Variants in CCDC81 observed in about 807,000 individuals in gnomAD.
The protein encoded by CCDC81 is coiled-coil domain containing 81.
CCDC81 carries 79 observed loss-of-function variants against 83.7 expected under a neutral mutation model. That is an observed-to-expected ratio of 0.94 (90% confidence interval 0.79 to 1.14). The LOEUF (loss-of-function observed/expected upper bound fraction) is 1.14, where lower values mean the gene tolerates loss of function less well. CCDC81 is among the 50% of genes most tolerant of loss of function. CCDC81 has a pLI of 0.00. For missense variants in CCDC81, 791 were observed against 778.1 expected, an observed-to-expected ratio of 1.02 and a Z score of -0.20; for synonymous variants, 252 against 278.1, an observed-to-expected ratio of 0.91 and a Z score of 0.93.
intron 13 of CCDC81, among the ~76,000 whole-genome samples, chr11:86,418,142 T>G (rs565037546): frequency 6.6e-6 from 1 of 152,158 alleles, no homozygotes; most frequent in Non-Finnish European, 1.5e-5. Flanking sequence ...CAAATTATTA[T>G]GAAAGTGCAA....
chr11:86,399,464 C>T (rs566361414), intron 6 of CCDC81, among the ~76,000 whole-genome samples: 17 of 152,168 alleles, frequency 1.1e-4, no homozygotes, highest in African/African-American at 2.4e-4. Flanking sequence ...CACAGGTGTG[C>T]GCCACCATGC....
chr11:86,406,642 T>TA (rs1313634904), intron 7 of CCDC81, among the ~76,000 whole-genome samples: 2 of 152,100 alleles, frequency 1.3e-5, no homozygotes, highest in East Asian at 3.9e-4. Context: ...CCGTCTCTAC[T>TA]AAAAATACAA....
chr11:86,390,649 A>G (rs1042349680), intron 3 of CCDC81, among the ~76,000 whole-genome samples: 3 of 152,184 alleles, frequency 2.0e-5, no homozygotes, highest in Non-Finnish European at 4.4e-5. Context: ...ATTACTCATG[A>G]GACATTTCAG....
intron 1 of CCDC81, among the ~76,000 whole-genome samples, chr11:86,385,180 G>T (rs1217762235): frequency 6.6e-6 from 1 of 152,202 alleles, no homozygotes; most frequent in African/African-American, 2.4e-5. Context: ...CTGAGGTCAG[G>T]AGTTGGAGAC....
intron 10 of CCDC81, among the ~76,000 whole-genome samples, chr11:86,410,568 G>T (rs1948628218): frequency 6.6e-6 from 1 of 152,188 alleles, no homozygotes. Flanking sequence ...GGGAAGGAAG[G>T]AGAGAGCGAG....
chr11:86,395,218 A>G, intron 4 of CCDC81, 116 bp from the exon 5 acceptor site: 1 of 732,734 alleles, frequency 1.4e-6, no homozygotes, highest in Non-Finnish European at 2.3e-6. Flanking sequence ...AGCGCTTAAC[A>G]TAAACAACAA....
chr11:86,391,057 C>T (rs1428400150), intron 3 of CCDC81, among the ~76,000 whole-genome samples: 1 of 151,978 alleles, frequency 6.6e-6, no homozygotes, highest in Non-Finnish European at 1.5e-5. Flanking sequence ...GCAAAGGGGG[C>T]CAAGGAGTCA....
rs116806020 is a variant in CCDC81, at chr11:86,384,670, A to G, written c.80-1381A>G. On this transcript the variant is annotated intron_variant, in intron 1 of 14. Coordinates refer to ENST00000445632, the MANE Select transcript of CCDC81 (RefSeq NM_001156474.2). ...ATAAAACAAGCAGTTTCCAAAGTGG[A>G]AAAAGGATTGGGCTTTTGTCACCAG... Among the ~76,000 whole-genome samples the G allele has an allele frequency of 1.9e-3, 296 of 152,366 alleles. 4 individuals carry two copies. The highest frequency in any genetic ancestry group is 6.6e-3 in the African/African-American group (274 of 41,584).
rs2138478379 is a variant in CCDC81 at position 86,374,902 on chromosome 11, T to G, written c.-262T>G. 1 of 447,248 alleles carries G rather than the reference T, an allele frequency of 2.2e-6. No individual in the cohort carries two copies. Among genetic ancestry groups the G allele is most frequent in the East Asian group, 4.7e-5 (1 of 21,410 alleles). 27.7% of individuals were successfully genotyped at this position (447,248 alleles called of 1,614,324 possible). ...GCACACTCTCACTCGGTGCCGGACA[T>G]CAGTTCCTGCGGCTCTTGCTGTGGG... On this transcript the variant is annotated 5_prime_UTR_variant, in exon 1 of 15. Transcript: ENST00000445632.
rs1471755062 is a variant in CCDC81, at chr11:86,397,734, G to A, written c.749G>A (p.Gly250Asp). The stretch of plus-strand genomic sequence containing the variant: ...AAAGACCAGTCAGACAAAGAAGAAG[G>A]CACCAGAGGTAGGCCAATGATTTCT... ...KLKDQSDKEE[G>D]TRDISSPKRL... The change falls in exon 6 of 15, where the codon GGC becomes GAC. Residue 250 changes from glycine to aspartate, a missense_variant. By Grantham distance (94) the Gly-to-Asp change is moderately conservative. Coordinates refer to ENST00000445632, the MANE Select transcript of CCDC81 (RefSeq NM_001156474.2). 6.2e-7 allele frequency: 1 copy of A among 1,612,872 alleles called. No homozygotes were observed. The highest frequency in any genetic ancestry group is 1.3e-5 in the African/African-American group (1 of 74,936).
chr11:86,379,469 C>A (rs1442411834), intron 1 of CCDC81, among the ~76,000 whole-genome samples: 1 of 152,150 alleles, frequency 6.6e-6, no homozygotes, highest in African/African-American at 2.4e-5. Context: ...TTCAAGTCCA[C>A]TTCCAAATAA....
chr11:86,380,621 G>T (rs892879390), intron 1 of CCDC81, among the ~76,000 whole-genome samples: 6 of 148,858 alleles, frequency 4.0e-5, no homozygotes, highest in African/African-American at 1.5e-4. Context: ...GATATTCTGG[G>T]TTTTTTTTTT....
chr11:86,376,922 C>T (rs548724082), intron 1 of CCDC81, among the ~76,000 whole-genome samples: 3 of 152,286 alleles, frequency 2.0e-5, no homozygotes, highest in African/African-American at 7.2e-5. Flanking sequence ...GAGTATTTCA[C>T]TCCCCTTTGT....
At chr11:86,408,099 T>G in intron 8 of CCDC81, 28 bp from the exon 9 acceptor site, 3 of 1,606,636 alleles carry the variant, frequency 1.9e-6, no homozygotes, top group South Asian at 1.1e-5. Flanking sequence ...ATGTAAAAAT[T>G]TATTTGTCCT....
chr11:86,419,068 G>A (rs1948756276), intron 13 of CCDC81: 1 of 152,184 alleles, frequency 6.6e-6, no homozygotes, highest in East Asian at 1.9e-4. Context: ...GAAAAAGTGA[G>A]ACAGTATAGA....
intron 11 of CCDC81, 167 bp from the exon 12 acceptor site, chr11:86,414,622 T>G (rs1339513452): frequency 3.4e-6 from 2 of 591,554 alleles, no homozygotes; most frequent in Non-Finnish European, 5.9e-6. Context: ...TGGATTTGAA[T>G]TACTCTTTTC....
intron 6 of CCDC81, among the ~76,000 whole-genome samples, chr11:86,399,712 A>G (rs1484020207): frequency 6.6e-6 from 1 of 151,262 alleles, no homozygotes; most frequent in African/African-American, 2.4e-5. Context: ...TTTTCTTTCA[A>G]TCTATCTCCA....
intron 6 of CCDC81, among the ~76,000 whole-genome samples, chr11:86,399,988 G>A (rs765896805): frequency 6.6e-6 from 1 of 151,760 alleles, no homozygotes; most frequent in Non-Finnish European, 1.5e-5. Context: ...AAAGTTAGCT[G>A]GGAGTAGTGG....
intron 2 of CCDC81, 37 bp downstream of exon 2, chr11:86,386,149 A>G (rs1032170297): frequency 2.5e-6 from 2 of 790,016 alleles, no homozygotes; most frequent in Admixed American, 4.1e-5. Flanking sequence ...TTAATAAATT[A>G]ATTTATTAAT....
Sources: allele counts gnomAD v4.1 joint callset (sites outside exome capture counted in the v4.1 genomes callset), GRCh38; gene constraint gnomAD v4.1.1; transcripts MANE v1.5; gene names NCBI Gene and HGNC (gene_info 2026-07-23, HGNC 2026-07-21).